Variants in COL4A5 observed in about 807,000 individuals in gnomAD.
COL4A5 encodes collagen alpha-5(IV) chain.
COL4A5 carries 26 observed loss-of-function variants against 130.2 expected under a neutral mutation model. The ratio of observed to expected loss-of-function variants is 0.20; its 90% CI spans 0.15 to 0.28. The LOEUF is 0.28. Ranked by LOEUF, COL4A5 falls within the 10% of genes least tolerant of loss-of-function variation. COL4A5 has a pLI of 1.00. For synonymous variants in COL4A5, 496 were observed against 439.6 expected, an observed-to-expected ratio of 1.13 and a Z score of -1.60; for missense variants, 1,131 against 1,344.3, an observed-to-expected ratio of 0.84 and a Z score of 2.48.
At chrX:108,685,037 T>C (rs1340331760) in intron 47 of COL4A5, among the ~76,000 whole-genome samples, 1 of 111,772 alleles carries the variant, frequency 8.9e-6, no homozygotes, top group Non-Finnish European at 1.9e-5. Flanking sequence ...GAAAAGGCCT[T>C]CAACAAAATT....
chrX:108,676,051 A>G (rs1001230226), intron 43 of COL4A5, among the ~76,000 whole-genome samples: 1 of 112,111 alleles, frequency 8.9e-6, no homozygotes, highest in Non-Finnish European at 1.9e-5. Flanking sequence ...TCTTAATCAC[A>G]GTGTCATTCT....
Position 108,440,035 on chromosome X carries a change from C to T in COL4A5, c.-91C>T, listed in dbSNP as rs2064369245. ...ACTGTCCCTCTCCGGCTCTAGCTCT[C>T]TCCATATAAACCCTCAAGATTATGT... is the stretch of plus-strand genomic sequence containing the variant. On this transcript the variant is annotated 5_prime_UTR_variant, in exon 1 of 53. Transcript: ENST00000328300. 4.3e-6 allele frequency: 3 copies of T among 693,497 alleles called. No individual in the cohort carries two copies. Among genetic ancestry groups the T allele is most frequent in the Middle Eastern group, 6.2e-4 (2 of 3,233 alleles). The allele number at this position is 693,497 out of a possible 1,213,427, so 57.2% of individuals were successfully genotyped here. A position where few individuals can be genotyped will look rare whatever the true frequency, so the allele number is the denominator to read the frequency against.
intron 37 of COL4A5, among the ~76,000 whole-genome samples, chrX:108,664,690 A>G (rs2068038680): frequency 8.9e-6 from 1 of 112,560 alleles, no homozygotes; most frequent in Admixed American, 9.4e-5. Context: ...AGGATATGTA[A>G]AAAACTTCAA....
chrX:108,548,752 T>C (rs1033930907), intron 2 of COL4A5, among the ~76,000 whole-genome samples: 2 of 111,644 alleles, frequency 1.8e-5, no homozygotes, highest in Admixed American at 9.5e-5. Context: ...TTACACCGTG[T>C]ATAGTGGAAC....
At chrX:108,558,483 A>G (rs1205472795) in intron 2 of COL4A5, among the ~76,000 whole-genome samples, 1 of 111,003 alleles carries the variant, frequency 9.0e-6, no homozygotes, top group Admixed American at 9.6e-5. Flanking sequence ...GGTGATGATA[A>G]AGGCTGCGGT....
chrX:108,471,152 G>A (rs1393480864), intron 1 of COL4A5, among the ~76,000 whole-genome samples: 1 of 111,137 alleles, frequency 9.0e-6, no homozygotes, highest in Non-Finnish European at 1.9e-5. Context: ...CCATATGAAT[G>A]TATAAATAGT....
At chrX:108,584,619 G>T in intron 18 of COL4A5, 94 bp downstream of exon 18, 1 of 747,705 alleles carries the variant, frequency 1.3e-6, no homozygotes, top group Non-Finnish European at 2.0e-6. Context: ...TTTCTTGATA[G>T]AACACAAAAT....
At chrX:108,498,522 TACA>T (rs1458478579) in intron 1 of COL4A5, among the ~76,000 whole-genome samples, 1 of 111,831 alleles carries the variant, frequency 8.9e-6, no homozygotes, top group East Asian at 2.8e-4. Flanking sequence ...TGTCAATTTT[TACA>T]ACAATATCTC....
intron 1 of COL4A5, among the ~76,000 whole-genome samples, chrX:108,494,009 A>G (rs2065014401): frequency 9.0e-6 from 1 of 111,689 alleles, no homozygotes; most frequent in Non-Finnish European, 1.9e-5. Context: ...TGATGCACAG[A>G]AAATGATAAA....
chrX:108,575,095 T>G (rs2066123463), intron 9 of COL4A5, among the ~76,000 whole-genome samples: 1 of 111,303 alleles, frequency 9.0e-6, no homozygotes, highest in African/African-American at 3.3e-5. Flanking sequence ...AGCCTACAAT[T>G]TTTTCATTAC....
At chrX:108,581,362 T>C (rs1423154982) in intron 16 of COL4A5, among the ~76,000 whole-genome samples, 3 of 111,780 alleles carry the variant, frequency 2.7e-5, no homozygotes, top group Non-Finnish European at 5.6e-5. Flanking sequence ...CAAATATAAA[T>C]TTGAGGTTCC....
chrX:108,687,817 A>C (rs2068578197), intron 49 of COL4A5, 123 bp downstream of exon 49: 1 of 584,150 alleles, frequency 1.7e-6, no homozygotes, highest in African/African-American at 2.2e-5. Flanking sequence ...TCCGAATTGA[A>C]AACCATGTCA....
chrX:108,655,646 A>G (rs929494930), intron 37 of COL4A5, among the ~76,000 whole-genome samples, 189 bp downstream of exon 37: 2 of 112,989 alleles, frequency 1.8e-5, no homozygotes, highest in African/African-American at 6.4e-5. Context: ...ATGAGAATGA[A>G]TATTACTGAC....
At chrX:108,497,339 A>G (rs2065043938) in intron 1 of COL4A5, among the ~76,000 whole-genome samples, 1 of 111,924 alleles carries the variant, frequency 8.9e-6, no homozygotes, top group African/African-American at 3.2e-5. Context: ...TTTGTGTAAA[A>G]GTTTTTGTAT....
intron 47 of COL4A5, among the ~76,000 whole-genome samples, chrX:108,684,615 C>T (rs1315884991): frequency 8.9e-6 from 1 of 112,415 alleles, no homozygotes; most frequent in Non-Finnish European, 1.9e-5. Flanking sequence ...TAATTAATAG[C>T]CTACCACCCA....
intron 37 of COL4A5, among the ~76,000 whole-genome samples, chrX:108,657,264 G>A (rs778653760): frequency 1.3e-3 from 141 of 110,248 alleles, no homozygotes; most frequent in Non-Finnish European, 2.3e-3. Flanking sequence ...GAACCTAAAC[G>A]CATCCAATAA....
chrX:108,630,853 A>T (rs1448853745), intron 36 of COL4A5, among the ~76,000 whole-genome samples: 3 of 112,468 alleles, frequency 2.7e-5, no homozygotes, highest in African/African-American at 9.7e-5. Context: ...GAAGGGATCC[A>T]GTTTCAGCTT....
intron 1 of COL4A5, among the ~76,000 whole-genome samples, chrX:108,539,468 G>C (rs2065503369): frequency 9.0e-6 from 1 of 111,401 alleles, no homozygotes; most frequent in Non-Finnish European, 1.9e-5. Flanking sequence ...TTTATTGAGA[G>C]ATATCTCATT....
At chrX:108,485,716 G>A (rs988044408) in intron 1 of COL4A5, among the ~76,000 whole-genome samples, 6 of 109,523 alleles carry the variant, frequency 5.5e-5, no homozygotes, top group East Asian at 5.8e-4. Context: ...CTTCCCTCTC[G>A]TCTCCTCAAG....
Sources: gnomAD v4.1 joint callset for allele counts (sites outside exome capture counted in the v4.1 genomes callset) on GRCh38, gnomAD v4.1.1 for gene constraint, MANE v1.5 for transcripts, NCBI Gene and HGNC (gene_info 2026-07-23, HGNC 2026-07-21) for gene names.